The following TMPRSS3 variants were observed in gnomAD, a reference collection of about 807,000 sequenced individuals.
TMPRSS3 encodes the protein transmembrane protease serine 3.
Under a neutral mutation model 59.6 loss-of-function variants are expected in TMPRSS3, and 55 were observed. The ratio of observed to expected loss-of-function variants is 0.92; its 90% CI spans 0.74 to 1.16. TMPRSS3 has a LOEUF of 1.16. TMPRSS3 is among the 50% of genes most tolerant of loss of function. TMPRSS3 has a pLI of 0.00. For missense variants in TMPRSS3, 596 were observed against 579.4 expected, an observed-to-expected ratio of 1.03 and a Z score of -0.29; for synonymous variants, 257 against 237.7, an observed-to-expected ratio of 1.08 and a Z score of -0.75.
chr21:42,386,129 G>C (rs1174384232), intron 5 of TMPRSS3, among the ~76,000 whole-genome samples: 3 of 152,202 alleles, frequency 2.0e-5, no homozygotes, highest in Non-Finnish European at 1.5e-5. Flanking sequence ...AGTGGTGAAA[G>C]TGATGCAACT....
chr21:42,383,616 C>T, intron 7 of TMPRSS3: 1 of 527,404 alleles, frequency 1.9e-6, no homozygotes, highest in South Asian at 1.9e-5. Flanking sequence ...CTCCCCTCTG[C>T]CAGGAACGAG....
At chr21:42,379,685 G>T (rs771453600) in intron 10 of TMPRSS3, among the ~76,000 whole-genome samples, 9 of 152,128 alleles carry the variant, frequency 5.9e-5, no homozygotes, top group Admixed American at 5.2e-4. Context: ...CTCATCTGCT[G>T]CTGCTTCCAC....
At chr21:42,389,120 A>G in intron 3 of TMPRSS3, 75 bp from the exon 4 acceptor site, 1 of 1,602,062 alleles carries the variant, frequency 6.2e-7, no homozygotes, top group Non-Finnish European at 8.5e-7. Flanking sequence ...TCCCCCTGCC[A>G]CACAGTGCGG....
intron 1 of TMPRSS3, 141 bp from the exon 2 acceptor site, chr21:42,395,609 C>T (rs1342146636): frequency 1.3e-5 from 7 of 550,694 alleles, no homozygotes; most frequent in Admixed American, 2.5e-5. Context: ...AAACAGTCAT[C>T]TGGTGAGAAT....
chr21:42,381,553 T>C (rs1248027830), intron 9 of TMPRSS3, among the ~76,000 whole-genome samples: 1 of 152,176 alleles, frequency 6.6e-6, no homozygotes, highest in Non-Finnish European at 1.5e-5. Flanking sequence ...ATGACTCTCT[T>C]CCACCACCTA....
chr21:42,377,533 T>C (rs1046942766), intron 10 of TMPRSS3, among the ~76,000 whole-genome samples: 5 of 152,188 alleles, frequency 3.3e-5, no homozygotes, highest in African/African-American at 1.2e-4. Context: ...ATGATACCTT[T>C]CTGTCATTTT....
rs1323319150 is a variant in TMPRSS3 at position 42,388,476 on chromosome 21, A to G, written c.373T>C (p.Trp125Arg). 1.9e-6 allele frequency: 3 copies of G among 1,614,112 alleles called. No individual in the cohort carries two copies. The highest frequency in any genetic ancestry group is 2.5e-6 in the Non-Finnish European group (3 of 1,180,048). The change falls in exon 5 of 13, where the codon TGG becomes CGG. Residue 125 changes from tryptophan to arginine, a missense_variant. Transcript: ENST00000644384. This position sits in a 1 kb window ranked among gnomAD's most constrained non-coding sequence, Gnocchi z 5.1. ...AVLQVFTAAS[W>R]KTMCSDDWKG... ...CAGTCATCGGAGCACATGGTCTTCC[A>G]CGAAGCAGCTGTGAACACCTGGAGC...
intron 10 of TMPRSS3, among the ~76,000 whole-genome samples, chr21:42,378,446 TA>T (rs1206530156): frequency 6.6e-6 from 1 of 152,186 alleles, no homozygotes; most frequent in Non-Finnish European, 1.5e-5. Flanking sequence ...AATCTCAACA[TA>T]AGATCTCCCA....
Position 42,388,758 on chromosome 21 carries a change from C to T in TMPRSS3, c.322+171G>A, listed in dbSNP as rs56166534. Among the ~76,000 whole-genome samples the T allele has an allele frequency of 0.039, 5,970 of 151,548 alleles. 146 individuals are homozygous for T. The highest frequency in any genetic ancestry group is 0.069 in the African/African-American group (2,852 of 41,448). On this transcript the variant is annotated intron_variant, in intron 4 of 12. Transcript: ENST00000644384. This position sits in a 1 kb window ranked among gnomAD's most constrained non-coding sequence, Gnocchi z 5.1. ...AAGAGAGCCAGAGCTCCATGGAAGGCCCTCCCTGACCCCCCAGCCCAACAT... is the reference window on the plus strand; with the variant it reads ...AAGAGAGCCAGAGCTCCATGGAAGGTCCTCCCTGACCCCCCAGCCCAACAT...
chr21:42,374,315 G>A (rs1044431304), intron 12 of TMPRSS3, among the ~76,000 whole-genome samples: 1 of 152,234 alleles, frequency 6.6e-6, no homozygotes, highest in Non-Finnish European at 1.5e-5. Flanking sequence ...CCGAGGGGGT[G>A]CTCAGGGCTG....
intron 12 of TMPRSS3, among the ~76,000 whole-genome samples, chr21:42,375,483 G>A (rs1007596129): frequency 6.6e-6 from 1 of 151,434 alleles, no homozygotes; most frequent in Non-Finnish European, 1.5e-5. Flanking sequence ...TCTTCCTCCC[G>A]GGCCCCAGCT....
intron 5 of TMPRSS3, among the ~76,000 whole-genome samples, chr21:42,387,919 T>C (rs1041324210): frequency 6.6e-6 from 1 of 152,262 alleles, no homozygotes; most frequent in Non-Finnish European, 1.5e-5. Flanking sequence ...TTGTTCTACA[T>C]GTTGCTAAAC....
At position 42,375,105 on chromosome 21, in the gene TMPRSS3, C is replaced by T. The variant is rs552696173; in HGVS notation, c.1344+611G>A. On this transcript the variant is annotated intron_variant, in intron 12 of 12. Coordinates refer to ENST00000644384, the MANE Select transcript of TMPRSS3 (RefSeq NM_001256317.3). ...CCAGGGTCCCAGCGAAGCCCTAAGC[C>T]TCCTTCTTCCTCCTCCACCGTCTCA... Among the ~76,000 whole-genome samples, 431 of 152,208 alleles carry T rather than the reference C, an allele frequency of 2.8e-3. 3 individuals are homozygous for T. The highest frequency in any genetic ancestry group is 9.9e-3 in the African/African-American group (411 of 41,526).
Position 42,389,933 on chromosome 21 carries a change from G to T in TMPRSS3, c.199C>A (p.Leu67Met). The T allele has an allele frequency of 6.2e-7, 1 of 1,610,156 alleles. No homozygotes were observed. Among genetic ancestry groups the T allele is most frequent in the South Asian group, 1.1e-5 (1 of 90,994 alleles). Reference sequence around the variant, plus strand: ...AATAATGAATTGTACTCACTGCCCAGACCAATGGCCAGTGCTAATATCAAT... The same window carrying T: ...AATAATGAATTGTACTCACTGCCCATACCAATGGCCAGTGCTAATATCAAT... ...IALILALAIG[L>M]GIHFDCSGKY... The change falls in exon 3 of 13, where the codon CTG (leucine) becomes ATG (methionine). Residue 67 changes from leucine to methionine, a missense_variant. By Grantham distance (15) the Leu-to-Met change is conservative. Transcript: ENST00000644384.
chr21:42,375,713 C>T lies in TMPRSS3; in HGVS notation c.1344+3G>A, dbSNP rs751001285. 11 of 1,613,630 alleles carry T rather than the reference C, an allele frequency of 6.8e-6. No homozygotes were observed. The highest frequency in any genetic ancestry group is 1.1e-5 in the South Asian group (1 of 91,082). ...CGTGAGCTGGGGAGGGCGCCGCACC[C>T]ACCTCCATCTGCTCGTGGATCCAGT... On this transcript the variant is annotated splice_donor_region_variant and intron_variant, in intron 12 of 12. Coordinates refer to ENST00000644384, the MANE Select transcript of TMPRSS3 (RefSeq NM_001256317.3).
intron 3 of TMPRSS3, among the ~76,000 whole-genome samples, chr21:42,389,646 C>T (rs1283914009): frequency 6.6e-6 from 1 of 152,280 alleles, no homozygotes; most frequent in Non-Finnish European, 1.5e-5. Context: ...CTCCCTCCCA[C>T]CTGCAGGATT....
chr21:42,394,111 T>C (rs225316), intron 2 of TMPRSS3, among the ~76,000 whole-genome samples: 42,404 of 152,100 alleles, frequency 0.28, 6,561 homozygotes, highest in African/African-American at 0.42. Flanking sequence ...ATTTTCTAAA[T>C]TGTTCTTCTA....
At position 42,388,454 on chromosome 21, in the gene TMPRSS3, T is replaced by C. The variant is rs754081459; in HGVS notation, c.395A>G (p.Asp132Gly). The change falls in exon 5 of 13, where the codon GAC becomes GGC. Residue 132 changes from aspartate to glycine, a missense_variant. Physicochemically the swap from Asp to Gly is moderately conservative, Grantham distance 94. Transcript: ENST00000644384. The surrounding 1 kb of genome is among the most constrained non-coding windows in gnomAD (Gnocchi z 5.1). ...AASWKTMCSDDWKGHYANVAC... is the reference protein window; with the variant it reads ...AASWKTMCSDGWKGHYANVAC... Reference sequence around the variant, plus strand: ...AACATTTGCGTAGTGACCCTTCCAGTCATCGGAGCACATGGTCTTCCACGA... The same window carrying C: ...AACATTTGCGTAGTGACCCTTCCAGCCATCGGAGCACATGGTCTTCCACGA... 4.3e-6 allele frequency: 7 copies of C among 1,614,218 alleles called. No homozygotes were observed.
chr21:42,372,770 T>C lies in TMPRSS3; in HGVS notation c.1354A>G (p.Lys452Glu). 6.2e-7 allele frequency: 1 copy of C among 1,614,074 alleles called. No individual in the cohort carries two copies. The highest frequency in any genetic ancestry group is 8.5e-7 in the Non-Finnish European group (1 of 1,179,982). Residue 452 changes from lysine (K) to glutamate (E), a missense_variant, in exon 13 of 13, where the codon AAA (lysine) becomes GAA (glutamate). Physicochemically the swap from Lys to Glu is moderately conservative, Grantham distance 56. Coordinates refer to ENST00000644384, the MANE Select transcript of TMPRSS3 (RefSeq NM_001256317.3). The part of the protein sequence containing the change: ...WIHEQMERDL[K>E]T Reference sequence around the variant, plus strand: ...ACTTGTCCCCTTCCTCTTCAGGTTTTTAGGTCTCTCTATAAATGAAAACAA... The same window carrying C: ...ACTTGTCCCCTTCCTCTTCAGGTTTCTAGGTCTCTCTATAAATGAAAACAA...
Sources: gnomAD v4.1 joint callset for allele counts (sites outside exome capture counted in the v4.1 genomes callset) on GRCh38, gnomAD v4.1.1 for gene constraint, Gnocchi (gnomAD v3.1) non-coding constraint, MANE v1.5 for transcripts, NCBI Gene and HGNC (gene_info 2026-07-23, HGNC 2026-07-21) for gene names.